KRTDAP: variants seen among roughly 807,000 people sequenced by gnomAD.
The protein encoded by KRTDAP is keratinocyte differentiation-associated protein.
Under a neutral mutation model 18.6 loss-of-function variants are expected in KRTDAP, and 14 were observed. The ratio of observed to expected loss-of-function variants is 0.75; its 90% CI spans 0.50 to 1.18. The LOEUF is 1.18. Ranked by LOEUF, KRTDAP falls within the 50% of genes most tolerant of loss-of-function variation. KRTDAP has a pLI of 0.00. For synonymous variants in KRTDAP, 53 were observed against 49.5 expected (o/e 1.07, Z -0.29); for missense variants, 114 against 121.3 (o/e 0.94, Z 0.28).
At chr19:35,490,066 G>T (rs2067513732) in intron 1 of KRTDAP, among the ~76,000 whole-genome samples, 1 of 151,916 alleles carries the variant, frequency 6.6e-6, no homozygotes, top group African/African-American at 2.4e-5. Flanking sequence ...ACTCTTGAGA[G>T]CCCATGGTGG....
rs548072201 is a variant in KRTDAP, at chr19:35,489,237, C to T, written c.88-397G>A. ...TGGGAGCCCAGCTGCTGAGGTGACC[C>T]GCCTGCCTCTCACTGATCGAGGTTG... On this transcript the variant is annotated intron_variant, in intron 1 of 5. Coordinates refer to ENST00000338897, the MANE Select transcript of KRTDAP (RefSeq NM_207392.3). 5.3e-5 allele frequency among the ~76,000 whole-genome samples: 8 copies of T among 152,282 alleles called. No individual in the cohort carries two copies. The East Asian group carries it at 5.8e-4, about 11-fold the overall frequency.
In KRTDAP at chr19:35,487,804, C is replaced by G. The variant is rs559700488; in HGVS notation, c.214-45G>C. On this transcript the variant is annotated intron_variant, in intron 4 of 5. Transcript: ENST00000338897. ...AGAGAGTGATGTGTTGCAGGTCAGC[C>G]GGGCATGGATGGGTAAGCATTCCCT... 2.2e-5 allele frequency: 30 copies of G among 1,373,048 alleles called. No homozygotes were observed. The South Asian group carries it at 3.5e-4, about 16-fold the overall frequency. 85.1% of individuals were successfully genotyped at this position (1,373,048 alleles called of 1,614,324 possible).
In KRTDAP at chr19:35,487,747, T is replaced by C. The variant is rs746058489; in HGVS notation, c.226A>G (p.Lys76Glu). The change falls in exon 5 of 6, where the codon AAA becomes GAA. Residue 76 changes from lysine (K) to glutamate (E), a missense_variant. Lys to Glu is a moderately conservative substitution (Grantham distance 56). Coordinates refer to ENST00000338897, the MANE Select transcript of KRTDAP (RefSeq NM_207392.3). ...WHALFESIKR[K>E]LPFLNWDAFP... ...GCATCCCAGTTGAGGAAAGGAAGTT[T>C]CCTTTTGATAGACTAAAAGAAAGAA... 2 of 1,613,328 alleles carry C rather than the reference T, an allele frequency of 1.2e-6. No individual in the cohort carries two copies. The highest frequency in any genetic ancestry group is 1.7e-6 in the Non-Finnish European group (2 of 1,179,302).
At chr19:35,490,297 G>T in intron 1 of KRTDAP, 59 bp downstream of exon 1, 1 of 1,069,258 alleles carries the variant, frequency 9.4e-7, no homozygotes, top group Non-Finnish European at 1.4e-6. Flanking sequence ...AGGAGGTAGA[G>T]AGATGGAGGG....
rs1007567 is a variant in KRTDAP, at chr19:35,489,617, C to T, written c.87+739G>A. On this transcript the variant is annotated intron_variant, in intron 1 of 5. Coordinates refer to ENST00000338897, the MANE Select transcript of KRTDAP (RefSeq NM_207392.3). ...CCATTTCACCTCAGGCCCTGACAGC[C>T]CCCCCAGCTCAGTGACACCACTGGC... Among the ~76,000 whole-genome samples, 376 of 152,116 alleles carry T rather than the reference C, an allele frequency of 2.5e-3. 3 individuals carry two copies. Among genetic ancestry groups the T allele is most frequent in the African/African-American group, 7.9e-3 (327 of 41,486 alleles).
chr19:35,490,404 G>A lies in KRTDAP; in HGVS notation c.39C>T (p.Ser13=). 6.2e-7 allele frequency: 1 copy of A among 1,613,800 alleles called. No homozygotes were observed. Among genetic ancestry groups the A allele is most frequent in the African/African-American group, 1.3e-5 (1 of 75,030 alleles). Residue 13 remains serine, a synonymous_variant, in exon 1 of 6, where the codon TCC becomes TCT. Coordinates refer to ENST00000338897, the MANE Select transcript of KRTDAP (RefSeq NM_207392.3). The part of the protein sequence containing the change: ...IPVLPAVVLL[S]LLVLHSAQGA... ...CCTGGGCAGAGTGGAGCACCAGGAG[G>A]GAGAGGAGCACCACGGCAGGAAGGA...
At chr19:35,489,812 A>T (rs997024810) in intron 1 of KRTDAP, among the ~76,000 whole-genome samples, 1 of 152,092 alleles carries the variant, frequency 6.6e-6, no homozygotes, top group African/African-American at 2.4e-5. Flanking sequence ...CAGGGGCACA[A>T]ATGAAGCAAA....
At chr19:35,488,592 C>G (rs2067504959) in intron 3 of KRTDAP, 70 bp downstream of exon 3, 2 of 1,610,234 alleles carry the variant, frequency 1.2e-6, no homozygotes, top group South Asian at 2.2e-5. Context: ...TTTGCAAGCT[C>G]TCTACCAAGG....
chr19:35,488,107 G>A (rs935005618), intron 4 of KRTDAP, among the ~76,000 whole-genome samples: 3 of 152,186 alleles, frequency 2.0e-5, no homozygotes, highest in East Asian at 1.9e-4. Context: ...CAGCTCTGTC[G>A]CTGACTTTGC....
At chr19:35,488,165 T>C (rs2067502256) in intron 4 of KRTDAP, among the ~76,000 whole-genome samples, 1 of 152,188 alleles carries the variant, frequency 6.6e-6, no homozygotes, top group Non-Finnish European at 1.5e-5. Context: ...GATGAGGGGA[T>C]TCAAATAAAA....
intron 1 of KRTDAP, among the ~76,000 whole-genome samples, chr19:35,489,513 G>A (rs1003898917): frequency 6.6e-6 from 1 of 152,180 alleles, no homozygotes; most frequent in Non-Finnish European, 1.5e-5. Context: ...CCTGAAAAAT[G>A]TAAAACTCTA....
At position 35,490,416 on chromosome 19, in the gene KRTDAP, C is replaced by T; in HGVS notation, c.27G>A (p.Val9=). Residue 9 remains valine (V), a synonymous_variant, in exon 1 of 6, where the codon GTG becomes GTA. Coordinates refer to ENST00000338897, the MANE Select transcript of KRTDAP (RefSeq NM_207392.3). MKIPVLPA[V]VLLSLLVLHS... The stretch of plus-strand genomic sequence containing the variant: ...GGAGCACCAGGAGGGAGAGGAGCAC[C>T]ACGGCAGGAAGGACCGGGATCTTCA... 5 of 1,613,750 alleles carry T rather than the reference C, an allele frequency of 3.1e-6. No individual in the cohort carries two copies. The highest frequency in any genetic ancestry group is 1.3e-5 in the African/African-American group (1 of 75,016).
At chr19:35,487,512 C>A in intron 5 of KRTDAP, 46 bp from the exon 6 acceptor site, 2 of 1,544,552 alleles carry the variant, frequency 1.3e-6, no homozygotes, top group South Asian at 1.1e-5. Context: ...CGTGGGTGCC[C>A]AGTATAGGAT....
chr19:35,487,387 T>A lies in KRTDAP; in HGVS notation c.*41A>T. ...GGAAAGAGTTATGGTAGGTTGAGAA[T>A]CAGCGCTCACGCTAGCCCCCTCTTC... On this transcript the variant is annotated 3_prime_UTR_variant, in exon 6 of 6. Transcript: ENST00000338897. 1.9e-6 allele frequency: 3 copies of A among 1,596,498 alleles called. No individual in the cohort carries two copies. Among genetic ancestry groups the A allele is most frequent in the Non-Finnish European group, 2.6e-6 (3 of 1,163,748 alleles).
intron 4 of KRTDAP, 59 bp from the exon 5 acceptor site, chr19:35,487,818 TA>T: frequency 9.2e-7 from 1 of 1,085,322 alleles, no homozygotes. Flanking sequence ...CATGGATGGG[TA>T]AGCATTCCCT....
At position 35,487,774 on chromosome 19, in the gene KRTDAP, G is replaced by A. The variant is rs764349719; in HGVS notation, c.214-15C>T. On this transcript the variant is annotated splice_polypyrimidine_tract_variant and intron_variant, in intron 4 of 5. Coordinates refer to ENST00000338897, the MANE Select transcript of KRTDAP (RefSeq NM_207392.3). ...CTTTTGATAGACTAAAAGAAAGAAAGAGAAAGAGAGTGATGTGTTGCAGGT... is the reference window on the plus strand; with the variant it reads ...CTTTTGATAGACTAAAAGAAAGAAAAAGAAAGAGAGTGATGTGTTGCAGGT... 5.0e-6 allele frequency: 8 copies of A among 1,606,016 alleles called. No homozygotes were observed. The highest frequency in any genetic ancestry group is 4.3e-6 in the Non-Finnish European group (5 of 1,172,796).
chr19:35,489,255 C>T (rs147695832), intron 1 of KRTDAP, among the ~76,000 whole-genome samples: 118 of 152,258 alleles, frequency 7.7e-4, no homozygotes, highest in African/African-American at 2.8e-3. Flanking sequence ...TCTCACTGAT[C>T]GAGGTTGCTT....
intron 1 of KRTDAP, 99 bp downstream of exon 1, chr19:35,490,257 A>C: frequency 2.7e-6 from 2 of 730,080 alleles, no homozygotes; most frequent in East Asian, 2.7e-5. Flanking sequence ...TCAGAATCCA[A>C]AACTAAGAGC....
intron 5 of KRTDAP, 28 bp from the exon 6 acceptor site, chr19:35,487,494 G>T: frequency 6.2e-7 from 1 of 1,605,744 alleles, no homozygotes; most frequent in South Asian, 1.1e-5. Context: ...AGGGTTAGAT[G>T]GGGAACCCGT....
Sources: gnomAD v4.1 joint callset for allele counts (sites outside exome capture counted in the v4.1 genomes callset) on GRCh38, gnomAD v4.1.1 for gene constraint, MANE v1.5 for transcripts, NCBI Gene and HGNC (gene_info 2026-07-23, HGNC 2026-07-21) for gene names.